ABHD17C: variants seen among roughly 807,000 people sequenced by gnomAD.
ABHD17C encodes the protein alpha/beta hydrolase domain-containing protein 17C.
Under a neutral mutation model 27.9 loss-of-function variants are expected in ABHD17C, and 11 were observed. The ratio of observed to expected loss-of-function variants is 0.39; its 90% confidence interval spans 0.25 to 0.65. The LOEUF (loss-of-function observed/expected upper bound fraction) is 0.65, where lower values mean the gene tolerates loss of function less well. ABHD17C is among the 30% of genes least tolerant of loss of function. The pLI is 0.45. For synonymous variants in ABHD17C, 233 were observed against 209.1 expected, an observed-to-expected ratio of 1.11 and a Z score of -0.98; for missense variants, 280 against 470.2, an observed-to-expected ratio of 0.60 and a Z score of 3.74.
chr15:80,746,751 C>T (rs1046437875), intron 1 of ABHD17C, among the ~76,000 whole-genome samples: 2 of 152,228 alleles, frequency 1.3e-5, no homozygotes, highest in Non-Finnish European at 2.9e-5. Context: ...GCCTTGTCTC[C>T]TGGGCTGTGC....
At chr15:80,702,784 G>T (rs1416326970) in intron 1 of ABHD17C, 1 of 152,138 alleles carries the variant, frequency 6.6e-6, no homozygotes, top group Non-Finnish European at 1.5e-5. Context: ...GGAATCCAGA[G>T]TCTCAACATA....
At chr15:80,746,862 G>A (rs1269406370) in intron 1 of ABHD17C, among the ~76,000 whole-genome samples, 3 of 152,150 alleles carry the variant, frequency 2.0e-5, no homozygotes, top group Non-Finnish European at 4.4e-5. Flanking sequence ...GAAAACATAT[G>A]TTGGACTCGT....
chr15:80,733,303 A>G (rs1236207238), intron 1 of ABHD17C, among the ~76,000 whole-genome samples: 2 of 152,162 alleles, frequency 1.3e-5, no homozygotes, highest in African/African-American at 4.8e-5. Flanking sequence ...GTCTGGGTAC[A>G]GGGCCTCAGA....
At chr15:80,727,127 G>C (rs934952005) in intron 1 of ABHD17C, among the ~76,000 whole-genome samples, 4 of 152,164 alleles carry the variant, frequency 2.6e-5, no homozygotes, top group Non-Finnish European at 5.9e-5. Flanking sequence ...TGTTGTAGGG[G>C]GTGTGATGAA....
intron 1 of ABHD17C, among the ~76,000 whole-genome samples, chr15:80,732,794 A>T (rs1895075124): frequency 6.6e-6 from 1 of 152,210 alleles, no homozygotes. Flanking sequence ...AAACACATTT[A>T]AGGGAGTAAA....
chr15:80,733,719 C>T (rs906155550), intron 1 of ABHD17C, among the ~76,000 whole-genome samples: 1 of 152,214 alleles, frequency 6.6e-6, no homozygotes, highest in Admixed American at 6.5e-5. Flanking sequence ...CAGGCAAACT[C>T]ACCAACCATC....
chr15:80,713,351 G>GTTGTTTTTTTTTT (rs1596062478), intron 1 of ABHD17C, among the ~76,000 whole-genome samples: 1 of 28,138 alleles, frequency 3.6e-5, no homozygotes. Flanking sequence ...CTGAGGTCTT[G>GTTGTTTTTTTTTT]TTCTTTTTTT....
chr15:80,721,731 A>G (rs1384670690), intron 1 of ABHD17C, among the ~76,000 whole-genome samples: 1 of 152,128 alleles, frequency 6.6e-6, no homozygotes, highest in Middle Eastern at 3.2e-3. Context: ...GTGCAGCGTA[A>G]GGTGGTATTC....
chr15:80,712,622 G>C (rs1258056054), intron 1 of ABHD17C, among the ~76,000 whole-genome samples: 1 of 152,192 alleles, frequency 6.6e-6, no homozygotes, highest in Non-Finnish European at 1.5e-5. Context: ...TGGTGTGTTA[G>C]GGAGGAGTGT....
At chr15:80,735,027 T>C (rs1428697417) in intron 1 of ABHD17C, among the ~76,000 whole-genome samples, 2 of 152,218 alleles carry the variant, frequency 1.3e-5, no homozygotes, top group Admixed American at 1.3e-4. Flanking sequence ...CCTCTGCTGT[T>C]AGCTCTGCTC....
intron 1 of ABHD17C, among the ~76,000 whole-genome samples, chr15:80,726,144 A>G (rs1473667092): frequency 2.0e-5 from 3 of 152,268 alleles, no homozygotes; most frequent in Non-Finnish European, 4.4e-5. Context: ...CAGCAGGAGC[A>G]TGTCCTTAAG....
At chr15:80,702,735 A>G (rs1332561240) in intron 1 of ABHD17C, 1 of 152,216 alleles carries the variant, frequency 6.6e-6, no homozygotes, top group Non-Finnish European at 1.5e-5. Context: ...GCTCGTGTTG[A>G]AACTATAAAT....
rs1175658020 is a variant in ABHD17C at position 80,746,916 on chromosome 15, TATCCTATATA to T, written c.591-2591_591-2582del. Among the ~76,000 whole-genome samples, 6 of 152,234 alleles carry T rather than the reference TATCCTATATA, an allele frequency of 3.9e-5. No homozygotes were observed. In the South Asian group the frequency reaches 1.2e-3, roughly 32 times the overall value. ...CACTTCCTCATAACTATGATAATGT[TATCCTATATA>T]ATCCTCTCAGACCAGATTTTATCAA... On this transcript the variant is annotated intron_variant, in intron 1 of 2. Transcript: ENST00000258884.
chr15:80,729,745 CGAG>C (rs1895031654), intron 1 of ABHD17C, among the ~76,000 whole-genome samples: 1 of 152,142 alleles, frequency 6.6e-6, no homozygotes, highest in Non-Finnish European at 1.5e-5. Flanking sequence ...TTGATATGTT[CGAG>C]AACCTAATGG....
chr15:80,731,493 T>A (rs1895056188), intron 1 of ABHD17C, among the ~76,000 whole-genome samples: 2 of 152,098 alleles, frequency 1.3e-5, no homozygotes, highest in Non-Finnish European at 2.9e-5. Flanking sequence ...AATAAAAGAG[T>A]TCTTACAAGA....
intron 1 of ABHD17C, among the ~76,000 whole-genome samples, chr15:80,713,883 T>C (rs1163941277): frequency 7.0e-6 from 1 of 142,794 alleles, no homozygotes; most frequent in Non-Finnish European, 1.5e-5. Context: ...TTGGGTCTCA[T>C]TGTCTCCATA....
At chr15:80,749,294 T>C (rs1393440091) in intron 1 of ABHD17C, among the ~76,000 whole-genome samples, 3 of 152,204 alleles carry the variant, frequency 2.0e-5, no homozygotes, top group Non-Finnish European at 2.9e-5. Flanking sequence ...TTGCAAATGT[T>C]GTGGAAGGCA....
At chr15:80,725,196 C>A (rs563004630) in intron 1 of ABHD17C, among the ~76,000 whole-genome samples, 1 of 152,310 alleles carries the variant, frequency 6.6e-6, no homozygotes, top group South Asian at 2.1e-4. Context: ...CGAATACAAC[C>A]TCATGAACCA....
intron 1 of ABHD17C, among the ~76,000 whole-genome samples, chr15:80,745,978 C>T (rs186912391): frequency 4.6e-5 from 7 of 152,238 alleles, no homozygotes; most frequent in African/African-American, 1.7e-4. Context: ...TGCTAGGTTC[C>T]TGGGTATGTG....
Sources: gnomAD v4.1 joint callset for allele counts (sites outside exome capture counted in the v4.1 genomes callset) on GRCh38, gnomAD v4.1.1 for gene constraint, MANE v1.5 for transcripts, NCBI Gene and HGNC (gene_info 2026-07-23, HGNC 2026-07-21) for gene names.